The following PEX5L variants were observed in gnomAD, a reference collection of about 807,000 sequenced individuals.
PEX5L encodes PEX5-related protein.
Under a neutral mutation model 84.0 loss-of-function variants are expected in PEX5L, and 30 were observed. That is an observed-to-expected ratio of 0.36 (90% CI 0.27 to 0.48). The LOEUF (loss-of-function observed/expected upper bound fraction) is 0.48. PEX5L is among the 20% of genes least tolerant of loss of function. PEX5L has a pLI of 0.99. For missense variants in PEX5L, 533 were observed against 754.6 expected, an observed-to-expected ratio of 0.71 and a Z score of 3.44; for synonymous variants, 270 against 283.1, an observed-to-expected ratio of 0.95 and a Z score of 0.46.
intron 1 of PEX5L, among the ~76,000 whole-genome samples, chr3:179,985,147 A>G (rs1273886672): frequency 6.6e-6 from 1 of 152,210 alleles, no homozygotes; most frequent in Non-Finnish European, 1.5e-5. Context: ...CTTTTCTCCT[A>G]GGCCATTTCA....
rs1188743522 is a variant in PEX5L, at chr3:179,801,811, CT to C, written c.*16del. The C allele has an allele frequency of 7.0e-7, 1 of 1,435,188 alleles. No homozygotes were observed. The highest frequency in any genetic ancestry group is 1.7e-5 in the Admixed American group (1 of 59,730). The allele number at this position is 1,435,188 out of a possible 1,614,324, so 88.9% of individuals were successfully genotyped here. On this transcript the variant is annotated 3_prime_UTR_variant, in exon 15 of 15. Coordinates refer to ENST00000467460, the MANE Select transcript of PEX5L (RefSeq NM_016559.3). ...TCACACAGATCAGGGATTATTAGTA[CT>C]GGTATTATTCTTTCTTCAAGGATCC...
At chr3:179,845,357 T>C (rs1284982896) in intron 8 of PEX5L, among the ~76,000 whole-genome samples, 1 of 152,242 alleles carries the variant, frequency 6.6e-6, no homozygotes, top group Non-Finnish European at 1.5e-5. Context: ...AATTATTTGC[T>C]TGTGGCTCAT....
intron 8 of PEX5L, among the ~76,000 whole-genome samples, chr3:179,854,166 T>C (rs1743021493): frequency 6.6e-6 from 1 of 150,834 alleles, no homozygotes; most frequent in Admixed American, 6.6e-5. Context: ...TTCAATACAA[T>C]GTTAAGATAT....
chr3:179,888,604 A>G (rs1756638822), intron 3 of PEX5L, among the ~76,000 whole-genome samples: 1 of 151,058 alleles, frequency 6.6e-6, no homozygotes, highest in South Asian at 2.1e-4. Context: ...AAGGGAGAAA[A>G]CACACTTTTG....
chr3:179,963,641 T>TA (rs1302712733), intron 2 of PEX5L, among the ~76,000 whole-genome samples: 1 of 152,204 alleles, frequency 6.6e-6, no homozygotes, highest in African/African-American at 2.4e-5. Flanking sequence ...TTTAAAATTT[T>TA]AAAAAAGATT....
chr3:179,985,267 C>T (rs780665777), intron 1 of PEX5L, among the ~76,000 whole-genome samples: 2 of 152,196 alleles, frequency 1.3e-5, no homozygotes, highest in Non-Finnish European at 2.9e-5. Flanking sequence ...CAACATAACT[C>T]TGTACATGGC....
chr3:179,827,687 T>C (rs547583902), intron 8 of PEX5L, among the ~76,000 whole-genome samples: 1 of 152,302 alleles, frequency 6.6e-6, no homozygotes, highest in East Asian at 1.9e-4. Context: ...GAAGGGACTT[T>C]ACTCTGGAGG....
chr3:179,922,654 A>G (rs200383733), intron 2 of PEX5L, among the ~76,000 whole-genome samples: 1 of 151,644 alleles, frequency 6.6e-6, no homozygotes, highest in African/African-American at 2.4e-5. Context: ...GGGTCTCACC[A>G]TGTTGACCAG....
intron 2 of PEX5L, among the ~76,000 whole-genome samples, chr3:179,965,612 G>A (rs779904650): frequency 2.0e-5 from 3 of 152,000 alleles, no homozygotes; most frequent in African/African-American, 4.8e-5. Context: ...TTTAACAATC[G>A]GTCGTAAGAT....
At chr3:179,926,146 T>C (rs1771382977) in intron 2 of PEX5L, among the ~76,000 whole-genome samples, 1 of 152,168 alleles carries the variant, frequency 6.6e-6, no homozygotes, top group Non-Finnish European at 1.5e-5. Flanking sequence ...TCAATAAATC[T>C]TGAATGCGAC....
At chr3:179,876,784 G>A (rs986719075) in intron 5 of PEX5L, among the ~76,000 whole-genome samples, 2 of 152,106 alleles carry the variant, frequency 1.3e-5, no homozygotes, top group African/African-American at 4.8e-5. Context: ...TCTATATGAA[G>A]TTGACTATTG....
At chr3:179,910,402 C>T (rs906167168) in intron 2 of PEX5L, among the ~76,000 whole-genome samples, 1 of 152,158 alleles carries the variant, frequency 6.6e-6, no homozygotes, top group Non-Finnish European at 1.5e-5. Flanking sequence ...AATGTGAATG[C>T]TCCAAGGAAG....
chr3:180,016,579 C>T (rs572118235), intron 1 of PEX5L, among the ~76,000 whole-genome samples: 52 of 152,254 alleles, frequency 3.4e-4, no homozygotes, highest in African/African-American at 1.2e-3. Flanking sequence ...AAGAAGTAGA[C>T]ATGTACCAGC....
At chr3:179,997,933 A>C (rs931718138) in intron 1 of PEX5L, among the ~76,000 whole-genome samples, 1 of 152,214 alleles carries the variant, frequency 6.6e-6, no homozygotes, top group Admixed American at 6.5e-5. Flanking sequence ...TTTGTGTCAT[A>C]ATCTTATTCA....
chr3:179,925,142 T>C (rs960766817), intron 2 of PEX5L, among the ~76,000 whole-genome samples: 1 of 152,210 alleles, frequency 6.6e-6, no homozygotes, highest in African/African-American at 2.4e-5. Flanking sequence ...AAAGTTTCTA[T>C]TGGCAGCACA....
intron 8 of PEX5L, among the ~76,000 whole-genome samples, chr3:179,855,980 T>C (rs1254447995): frequency 6.6e-6 from 1 of 152,228 alleles, no homozygotes; most frequent in Non-Finnish European, 1.5e-5. Flanking sequence ...TACAATGCAG[T>C]GGTTCAGAAT....
intron 1 of PEX5L, among the ~76,000 whole-genome samples, chr3:179,994,499 C>A (rs1405964730): frequency 6.6e-6 from 1 of 152,134 alleles, no homozygotes; most frequent in Admixed American, 6.6e-5. Context: ...CCCTCAGACA[C>A]CCCTTATCCC....
chr3:179,822,404 TG>T (rs1477628015), intron 8 of PEX5L, among the ~76,000 whole-genome samples: 4 of 152,210 alleles, frequency 2.6e-5, no homozygotes, highest in African/African-American at 9.6e-5. Context: ...GAACCTCAGC[TG>T]AGGTAGAGCT....
chr3:180,029,142 G>T (rs1791222156), intron 1 of PEX5L, among the ~76,000 whole-genome samples: 1 of 152,126 alleles, frequency 6.6e-6, no homozygotes, highest in South Asian at 2.1e-4. Context: ...TATCTTGGAG[G>T]AGAAAAGATT....
Sources: gnomAD v4.1 joint callset for allele counts (sites outside exome capture counted in the v4.1 genomes callset) on GRCh38, gnomAD v4.1.1 for gene constraint, MANE v1.5 for transcripts, NCBI Gene and HGNC (gene_info 2026-07-23, HGNC 2026-07-21) for gene names.